The following TFEC variants were observed in gnomAD, a reference collection of about 807,000 sequenced individuals.
TFEC encodes transcription factor EC.
In TFEC, 31 loss-of-function variants were observed where a neutral mutation model predicts 41.6. The observed-to-expected ratio is 0.74, with a 90% CI of 0.56 to 1.01. TFEC has a LOEUF of 1.01. Among genes scored for constraint, TFEC ranks in the 50% least tolerant of loss-of-function variants. The pLI, the probability that TFEC is intolerant of heterozygous loss-of-function variation, is 0.00. For synonymous variants in TFEC, 143 were observed against 140.6 expected, an observed-to-expected ratio of 1.02 and a Z score of -0.12; for missense variants, 402 against 404.1, an observed-to-expected ratio of 0.99 and a Z score of 0.04.
intron 1 of TFEC, among the ~76,000 whole-genome samples, chr7:116,129,380 G>A (rs1027581696): frequency 4.0e-5 from 6 of 151,044 alleles, no homozygotes; most frequent in Non-Finnish European, 8.8e-5. Flanking sequence ...CTCAGTAGTG[G>A]ATCAAAGGAG....
chr7:116,152,745 T>C (rs1049762268), intron 1 of TFEC, among the ~76,000 whole-genome samples: 1 of 152,196 alleles, frequency 6.6e-6, no homozygotes, highest in African/African-American at 2.4e-5. Flanking sequence ...AGGATAAATA[T>C]GTTTCTGAGC....
chr7:116,120,941 T>C (rs867740584), intron 1 of TFEC, among the ~76,000 whole-genome samples: 1 of 151,978 alleles, frequency 6.6e-6, no homozygotes, highest in African/African-American at 2.4e-5. Context: ...AAACCCTACC[T>C]AATAACTTTC....
At chr7:116,016,880 T>A (rs1795212539) in intron 1 of TFEC, among the ~76,000 whole-genome samples, 1 of 152,092 alleles carries the variant, frequency 6.6e-6, no homozygotes, top group Non-Finnish European at 1.5e-5. Context: ...AAAATTTATA[T>A]GTCCCAAGCA....
At chr7:116,041,739 A>G (rs1404816148) in intron 3 of TFEC, among the ~76,000 whole-genome samples, 1 of 152,202 alleles carries the variant, frequency 6.6e-6, no homozygotes, top group Non-Finnish European at 1.5e-5. Context: ...CAGAGATTTC[A>G]CAGGTTTTAT....
intron 3 of TFEC, among the ~76,000 whole-genome samples, chr7:116,072,456 C>G (rs1796852667): frequency 6.6e-6 from 1 of 151,440 alleles, no homozygotes; most frequent in African/African-American, 2.4e-5. Context: ...ATGAGAAAAT[C>G]CAAGCATGTT....
chr7:115,954,553 G>GTA (rs773656849), intron 5 of TFEC, 33 bp downstream of exon 5: 40 of 1,575,422 alleles, frequency 2.5e-5, no homozygotes, highest in Middle Eastern at 1.8e-4. Context: ...ATTTCCTTTT[G>GTA]CATTAATTTT....
In TFEC at chr7:115,978,551, T is replaced by C. The variant is rs147578804; in HGVS notation, c.181-4295A>G. 2.1e-3 allele frequency among the ~76,000 whole-genome samples: 324 copies of C among 152,308 alleles called. 1 individual carries two copies. The highest frequency in any genetic ancestry group is 3.0e-3 in the Non-Finnish European group (203 of 68,022). On this transcript the variant is annotated intron_variant, in intron 2 of 7. Transcript: ENST00000265440. ...TATGACCCGTTATGCCTTTGCTCTG[T>C]TACCTTTCTGTCCAACTATCCCAAA...
chr7:115,961,454 T>C (rs927944069), intron 3 of TFEC, among the ~76,000 whole-genome samples: 4 of 151,400 alleles, frequency 2.6e-5, no homozygotes, highest in African/African-American at 9.7e-5. Context: ...ATGATAAAAA[T>C]AGATTCATTT....
intron 3 of TFEC, among the ~76,000 whole-genome samples, chr7:116,054,759 G>C (rs1295065404): frequency 6.6e-6 from 1 of 152,052 alleles, no homozygotes; most frequent in African/African-American, 2.4e-5. Flanking sequence ...TGAGCATCTT[G>C]TATTTCATCT....
At chr7:116,155,234 A>G (rs1433624105) in intron 1 of TFEC, among the ~76,000 whole-genome samples, 2 of 152,260 alleles carry the variant, frequency 1.3e-5, no homozygotes, top group African/African-American at 4.8e-5. Flanking sequence ...CTGAGGAATT[A>G]GAGATAGCTT....
chr7:115,971,563 T>G (rs1006318935), intron 3 of TFEC, among the ~76,000 whole-genome samples: 1 of 151,954 alleles, frequency 6.6e-6, no homozygotes, highest in Non-Finnish European at 1.5e-5. Flanking sequence ...AGCCTTCTCT[T>G]TCTTGAAATT....
At chr7:116,116,325 G>A (rs1797987404) in intron 1 of TFEC, among the ~76,000 whole-genome samples, 1 of 151,842 alleles carries the variant, frequency 6.6e-6, no homozygotes, top group Admixed American at 6.6e-5. Context: ...AATATGTGAT[G>A]AACTTTCATG....
rs754548126 is a variant in TFEC at position 115,942,059 on chromosome 7, AC to A, written c.516-20del. 1 of 1,593,794 alleles carries A rather than the reference AC, an allele frequency of 6.3e-7. No homozygotes were observed. ...CATATCACTGTAGAATGGAGAGATA[AC>A]CTTTTCACAATTGTGCATGTCAGCA... On this transcript the variant is annotated intron_variant, in intron 6 of 7. Transcript: ENST00000265440.
At chr7:115,972,792 A>G (rs937850487) in intron 3 of TFEC, among the ~76,000 whole-genome samples, 1 of 152,080 alleles carries the variant, frequency 6.6e-6, no homozygotes, top group Non-Finnish European at 1.5e-5. Flanking sequence ...TGAGTAAACC[A>G]TTCTACAAAG....
chr7:116,119,602 G>T (rs1742025822), intron 1 of TFEC, among the ~76,000 whole-genome samples: 1 of 151,516 alleles, frequency 6.6e-6, no homozygotes, highest in Non-Finnish European at 1.5e-5. Flanking sequence ...TCATTAAAAA[G>T]TTAAATAAAA....
chr7:116,158,694 A>G (rs921500765), intron 1 of TFEC, among the ~76,000 whole-genome samples: 2 of 152,126 alleles, frequency 1.3e-5, no homozygotes, highest in African/African-American at 4.8e-5. Flanking sequence ...ATAATAATGG[A>G]TAAAATGTTA....
chr7:116,123,346 T>C (rs188092260), intron 1 of TFEC, among the ~76,000 whole-genome samples: 14 of 152,298 alleles, frequency 9.2e-5, no homozygotes, highest in Non-Finnish European at 1.9e-4. Context: ...TCAGTTTCTC[T>C]TAGTTTATGA....
chr7:116,029,204 G>T (rs947090638), intron 1 of TFEC, among the ~76,000 whole-genome samples: 1 of 151,412 alleles, frequency 6.6e-6, no homozygotes, highest in African/African-American at 2.4e-5. Flanking sequence ...CCCAAACCAA[G>T]GAAATAGACA....
intron 4 of TFEC, among the ~76,000 whole-genome samples, chr7:115,955,190 G>C (rs761304350): frequency 4.6e-5 from 7 of 151,950 alleles, no homozygotes; most frequent in Non-Finnish European, 1.0e-4. Flanking sequence ...TGGTGTGGTT[G>C]TATTTATATG....
Sources: gnomAD v4.1 joint callset for allele counts (sites outside exome capture counted in the v4.1 genomes callset) on GRCh38, gnomAD v4.1.1 for gene constraint, MANE v1.5 for transcripts, NCBI Gene and HGNC (gene_info 2026-07-23, HGNC 2026-07-21) for gene names.